ZMIZ1: variants seen among roughly 807,000 people sequenced by gnomAD.
The protein encoded by ZMIZ1 is zinc finger MIZ-type containing 1, also known as zinc finger MIZ domain-containing protein 1.
Under a neutral mutation model 113.9 loss-of-function variants are expected in ZMIZ1, and 17 were observed. The ratio of observed to expected loss-of-function variants is 0.15; its 90% CI spans 0.10 to 0.22. ZMIZ1 has a LOEUF of 0.22. Among genes scored for constraint, ZMIZ1 ranks in the 10% least tolerant of loss-of-function variants. ZMIZ1 has a pLI of 1.00. For synonymous variants in ZMIZ1, 607 were observed against 603.1 expected (o/e 1.01, Z -0.09); for missense variants, 1,059 against 1,477.8 (o/e 0.72, Z 4.65).
chr10:79,089,992 A>C (rs1440687065), intron 1 of ZMIZ1, among the ~76,000 whole-genome samples: 3 of 152,212 alleles, frequency 2.0e-5, no homozygotes, highest in Non-Finnish European at 4.4e-5. Flanking sequence ...ATTATGCAGG[A>C]TTAAGCCTTT....
In ZMIZ1 at chr10:79,296,919, A is replaced by G; in HGVS notation, c.1413+266A>G. 3 of 361,110 alleles carry G rather than the reference A, an allele frequency of 8.3e-6. No individual in the cohort carries two copies. Among genetic ancestry groups the G allele is most frequent in the Non-Finnish European group, 1.5e-5 (3 of 202,716 alleles). The allele number at this position is 361,110 out of a possible 1,614,324, so 22.4% of individuals were successfully genotyped here. A position where few individuals can be genotyped will look rare whatever the true frequency, so the allele number is the denominator to read the frequency against. On this transcript the variant is annotated intron_variant, in intron 13 of 24. Coordinates refer to ENST00000334512, the MANE Select transcript of ZMIZ1 (RefSeq NM_020338.4). This position sits in a 1 kb window ranked among gnomAD's most constrained non-coding sequence, Gnocchi z 4.1. The stretch of plus-strand genomic sequence containing the variant: ...ATTCACGGCACTCACAAAATAATAA[A>G]GGAAATATATTTTATTAAAAAAACA...
chr10:79,157,739 C>T (rs1250840701), intron 3 of ZMIZ1, among the ~76,000 whole-genome samples: 1 of 152,176 alleles, frequency 6.6e-6, no homozygotes, highest in Non-Finnish European at 1.5e-5. Context: ...ATGCAGGAGG[C>T]GGGGCAGCCA....
In ZMIZ1 at chr10:79,137,827, G is replaced by GT. The variant is rs946583691; in HGVS notation, c.-226-1855_-226-1854insT. Among the ~76,000 whole-genome samples, 22 of 105,618 alleles carry GT rather than the reference G, an allele frequency of 2.1e-4. 1 individual carries two copies. Among genetic ancestry groups the GT allele is most frequent in the African/African-American group, 8.4e-4 (11 of 13,046 alleles). 69.3% of individuals were successfully genotyped at this position (105,618 alleles called of 152,430 possible). ...CCTCTGAGAGGACGGGCCCTCGGCT[G>GT]GGGGGGGGGTGCTCCTAGGGTGGGC... On this transcript the variant is annotated intron_variant, in intron 2 of 24. Coordinates refer to ENST00000334512, the MANE Select transcript of ZMIZ1 (RefSeq NM_020338.4).
chr10:79,252,274 T>C (rs927428399), intron 7 of ZMIZ1, among the ~76,000 whole-genome samples: 1 of 150,992 alleles, frequency 6.6e-6, no homozygotes, highest in African/African-American at 2.4e-5. Context: ...CATAATCCTC[T>C]CAGAGCTTTA....
At chr10:79,078,719 A>ATT (rs10673987) in intron 1 of ZMIZ1, among the ~76,000 whole-genome samples, 1 of 125,078 alleles carries the variant, frequency 8.0e-6, no homozygotes, top group African/African-American at 3.1e-5. Flanking sequence ...TAATTTTTGT[A>ATT]TTTTTTTTTT....
chr10:79,213,936 A>AT (rs1848621614), intron 6 of ZMIZ1, among the ~76,000 whole-genome samples: 1 of 152,114 alleles, frequency 6.6e-6, no homozygotes, highest in Non-Finnish European at 1.5e-5. Flanking sequence ...GGGAGCCAGC[A>AT]TTTTCACTGC....
chr10:79,124,427 C>T (rs2132344669), intron 2 of ZMIZ1, among the ~76,000 whole-genome samples: 1 of 152,318 alleles, frequency 6.6e-6, no homozygotes, highest in South Asian at 2.1e-4. Flanking sequence ...TATCTGACAC[C>T]ATAATATGTG....
chr10:79,114,108 C>CCCT (rs978936814), intron 1 of ZMIZ1, among the ~76,000 whole-genome samples: 2 of 152,190 alleles, frequency 1.3e-5, no homozygotes, highest in African/African-American at 4.8e-5. Context: ...TGGGGTGGCC[C>CCCT]CCTCCATTTC....
chr10:79,154,326 C>G (rs974451488), intron 3 of ZMIZ1, among the ~76,000 whole-genome samples: 2 of 152,122 alleles, frequency 1.3e-5, no homozygotes, highest in African/African-American at 4.8e-5. Flanking sequence ...TCTGCCAGGC[C>G]CATTTAATGC....
intron 7 of ZMIZ1, chr10:79,243,654 C>G (rs151272533): frequency 0.014 from 4,114 of 299,068 alleles, 173 homozygotes; most frequent in African/African-American, 0.09. Flanking sequence ...GAATCCTACC[C>G]GGAGTCGCTC....
At chr10:79,243,296 C>T (rs569677280) in intron 7 of ZMIZ1, among the ~76,000 whole-genome samples, 2 of 150,424 alleles carry the variant, frequency 1.3e-5, no homozygotes, top group Admixed American at 6.6e-5. Flanking sequence ...CGGCCCATCC[C>T]CGTCCCTGGA....
At chr10:79,191,862 A>G (rs892419743) in intron 4 of ZMIZ1, among the ~76,000 whole-genome samples, 1 of 152,228 alleles carries the variant, frequency 6.6e-6, no homozygotes, top group Non-Finnish European at 1.5e-5. Context: ...CACCTGTAGT[A>G]CTGTAATAAT....
intron 7 of ZMIZ1, among the ~76,000 whole-genome samples, chr10:79,226,298 A>G (rs1849197826): frequency 6.6e-6 from 1 of 152,168 alleles, no homozygotes; most frequent in Non-Finnish European, 1.5e-5. Context: ...GCATCTCTGC[A>G]GGTCACCAGG....
At chr10:79,217,483 A>G (rs1029969408) in intron 7 of ZMIZ1, among the ~76,000 whole-genome samples, 5 of 152,240 alleles carry the variant, frequency 3.3e-5, no homozygotes, top group Admixed American at 2.6e-4. Flanking sequence ...GATATTGTTA[A>G]CATTCCTTAT....
At chr10:79,203,889 A>T (rs1485081890) in intron 5 of ZMIZ1, among the ~76,000 whole-genome samples, 1 of 152,196 alleles carries the variant, frequency 6.6e-6, no homozygotes, top group Non-Finnish European at 1.5e-5. Context: ...GCCCCGGCAC[A>T]CACATGCGTG....
chr10:79,213,924 G>A (rs1451556903), intron 6 of ZMIZ1, among the ~76,000 whole-genome samples: 4 of 152,122 alleles, frequency 2.6e-5, no homozygotes, highest in East Asian at 1.9e-4. Context: ...ACCTATGTAC[G>A]TGGGAGCCAG....
In ZMIZ1 at chr10:79,296,715, A is replaced by G; in HGVS notation, c.1413+62A>G. ...TCCCTCCTAACCACCTCACTCCCCT[A>G]ACTCCACCGGGATCACTCTGACCCT... On this transcript the variant is annotated intron_variant, in intron 13 of 24. Transcript: ENST00000334512. This position sits in a 1 kb window ranked among gnomAD's most constrained non-coding sequence, Gnocchi z 4.1. 1 of 1,454,748 alleles carries G rather than the reference A, an allele frequency of 6.9e-7. No individual in the cohort carries two copies. The highest frequency in any genetic ancestry group is 2.4e-5 in the East Asian group (1 of 41,736). The allele number at this position is 1,454,748 out of a possible 1,614,324, so 90.1% of individuals were successfully genotyped here.
chr10:79,205,002 C>T (rs548465538), intron 5 of ZMIZ1, among the ~76,000 whole-genome samples: 5 of 146,446 alleles, frequency 3.4e-5, no homozygotes, highest in South Asian at 2.2e-4. Context: ...GATGGATACA[C>T]GCATAGATGG....
chr10:79,227,746 G>C (rs918000103), intron 7 of ZMIZ1, among the ~76,000 whole-genome samples: 1 of 152,224 alleles, frequency 6.6e-6, no homozygotes, highest in Non-Finnish European at 1.5e-5. Flanking sequence ...CTTATGTGTA[G>C]GTAGGGCCAA....
Sources: allele counts gnomAD v4.1 joint callset (sites outside exome capture counted in the v4.1 genomes callset), GRCh38; gene constraint gnomAD v4.1.1; non-coding constraint Gnocchi (gnomAD v3.1); transcripts MANE v1.5; gene names NCBI Gene and HGNC (gene_info 2026-07-23, HGNC 2026-07-21).